NFATC1: variants seen among roughly 807,000 people sequenced by gnomAD.
NFATC1 encodes nuclear factor of activated T-cells, cytoplasmic 1.
Under a neutral mutation model 76.0 loss-of-function variants are expected in NFATC1, and 22 were observed. The observed-to-expected ratio is 0.29, with a 90% confidence interval of 0.21 to 0.41. NFATC1 has a LOEUF of 0.41. NFATC1 is among the 10% of genes least tolerant of loss of function. NFATC1 has a pLI of 1.00. For synonymous variants in NFATC1, 704 were observed against 613.1 expected, an observed-to-expected ratio of 1.15 and a Z score of -2.19; for missense variants, 1,357 against 1,337.7, an observed-to-expected ratio of 1.01 and a Z score of -0.23.
chr18:79,494,820 C>T (rs1426598042), intron 9 of NFATC1, among the ~76,000 whole-genome samples: 2 of 108,036 alleles, frequency 1.9e-5, no homozygotes, highest in African/African-American at 7.2e-5. Context: ...CGGGGGAAGG[C>T]GAGAGCGGGC....
intron 3 of NFATC1, among the ~76,000 whole-genome samples, chr18:79,436,706 C>G (rs541052242): frequency 6.6e-6 from 1 of 152,264 alleles, no homozygotes; most frequent in South Asian, 2.1e-4. Flanking sequence ...GGTGCTCGCT[C>G]TTACTTGTGG....
At chr18:79,406,886 C>T (rs935656818) in intron 1 of NFATC1, among the ~76,000 whole-genome samples, 4 of 152,172 alleles carry the variant, frequency 2.6e-5, no homozygotes, top group Admixed American at 1.3e-4. Flanking sequence ...GCGCTCCATG[C>T]GGGGCAGACG....
intron 9 of NFATC1, among the ~76,000 whole-genome samples, chr18:79,503,033 A>G (rs2090046424): frequency 6.6e-6 from 1 of 152,246 alleles, no homozygotes; most frequent in South Asian, 2.1e-4. Context: ...TGTCCTTCAC[A>G]GCGTTCTTTA....
chr18:79,467,435 G>T lies in NFATC1; in HGVS notation c.1960-15G>T, dbSNP rs779109678. ...CCGGTGCTGATTGTGCCTCCTGTGT[G>T]CCCTTCTCCTGTAGAATTCTCTGGT... On this transcript the variant is annotated splice_polypyrimidine_tract_variant and intron_variant, in intron 7 of 9. Transcript: ENST00000427363. 4 of 1,574,708 alleles carry T rather than the reference G, an allele frequency of 2.5e-6. No individual in the cohort carries two copies. In the South Asian group the frequency reaches 3.4e-5, roughly 14 times the overall value.
chr18:79,429,103 C>T (rs1014657774), intron 2 of NFATC1, among the ~76,000 whole-genome samples: 2 of 152,002 alleles, frequency 1.3e-5, no homozygotes, highest in African/African-American at 2.4e-5. Context: ...CACCTGTACT[C>T]CCAGCTACTC....
intron 8 of NFATC1, among the ~76,000 whole-genome samples, chr18:79,476,688 AC>A (rs2089086602): frequency 6.6e-6 from 1 of 152,106 alleles, no homozygotes; most frequent in East Asian, 1.9e-4. Flanking sequence ...GAATTCTCTC[AC>A]CCCGACCGAC....
At position 79,396,171 on chromosome 18, in the gene NFATC1, G is replaced by T; in HGVS notation, c.-54G>T. The T allele has an allele frequency of 4.3e-6, 6 of 1,398,048 alleles. No individual in the cohort carries two copies. The highest frequency in any genetic ancestry group is 1.4e-5 in the South Asian group (1 of 71,886). The allele number at this position is 1,398,048 out of a possible 1,614,324, so 86.6% of individuals were successfully genotyped here. ...GACCCGACCCCGGCAGCGCGGGGCG[G>T]CCGCTTCTCCTGTGCCTCCGCCCGC... On this transcript the variant is annotated 5_prime_UTR_variant, in exon 1 of 10. Coordinates refer to ENST00000427363, the MANE Select transcript of NFATC1 (RefSeq NM_001278669.2).
intron 9 of NFATC1, among the ~76,000 whole-genome samples, chr18:79,517,489 G>A (rs949885287): frequency 6.6e-6 from 1 of 152,206 alleles, no homozygotes; most frequent in Admixed American, 6.5e-5. Context: ...GCCTTAGAAG[G>A]GAGCCTGCTG....
In NFATC1 at chr18:79,524,694, GA is replaced by G. The variant is rs534809279; in HGVS notation, c.2783-2833del. On this transcript the variant is annotated intron_variant, in intron 9 of 9. Coordinates refer to ENST00000427363, the MANE Select transcript of NFATC1 (RefSeq NM_001278669.2). This position sits in a 1 kb window ranked among gnomAD's most constrained non-coding sequence, Gnocchi z 7.2. ...AGCTCAGCAGCCGCAGACCCAGGCA[GA>G]GAGAGCAAAGGAGGCTGTGGTGGCC... is the stretch of plus-strand genomic sequence containing the variant. Among the ~76,000 whole-genome samples, 253 of 152,258 alleles carry G rather than the reference GA, an allele frequency of 1.7e-3. No individual in the cohort carries two copies. Among genetic ancestry groups the G allele is most frequent in the African/African-American group, 6.0e-3 (248 of 41,538 alleles).
At chr18:79,412,137 C>G (rs2148195206) in intron 2 of NFATC1, among the ~76,000 whole-genome samples, 1 of 152,348 alleles carries the variant, frequency 6.6e-6, no homozygotes, top group Non-Finnish European at 1.5e-5. Flanking sequence ...CTTTGGGTCC[C>G]AGGTTGTTGG....
intron 8 of NFATC1, among the ~76,000 whole-genome samples, chr18:79,482,399 G>T (rs1259356153): frequency 7.4e-6 from 1 of 135,686 alleles, no homozygotes; most frequent in African/African-American, 2.8e-5. Context: ...ACTCCAGCAT[G>T]ACCTGGTTCC....
At position 79,411,509 on chromosome 18, in the gene NFATC1, GGCAGC is replaced by G. The variant is rs781348090; in HGVS notation, c.1226+11_1226+15del. Reference sequence around the variant, plus strand: ...CCCTACGTCCTACATGAGGTGAGCCGGCAGCGCGGGGCGGGACGGGGAGGCGAGGG... The same window carrying G: ...CCCTACGTCCTACATGAGGTGAGCCGGCGGGGCGGGACGGGGAGGCGAGGG... On this transcript the variant is annotated intron_variant, in intron 2 of 9. Coordinates refer to ENST00000427363, the MANE Select transcript of NFATC1 (RefSeq NM_001278669.2). The G allele has an allele frequency of 1.4e-6, 2 of 1,463,874 alleles. No homozygotes were observed. The highest frequency in any genetic ancestry group is 3.0e-5 in the South Asian group (2 of 66,614). The allele number at this position is 1,463,874 out of a possible 1,614,324, so 90.7% of individuals were successfully genotyped here.
chr18:79,475,391 G>C (rs2089021350), intron 8 of NFATC1, among the ~76,000 whole-genome samples: 1 of 151,376 alleles, frequency 6.6e-6, no homozygotes, highest in South Asian at 2.1e-4. Flanking sequence ...TGCGAGGGAA[G>C]CGTGTTCTCA....
At chr18:79,429,546 G>A (rs1271959247) in intron 2 of NFATC1, among the ~76,000 whole-genome samples, 2 of 152,118 alleles carry the variant, frequency 1.3e-5, no homozygotes, top group South Asian at 2.1e-4. Flanking sequence ...ACGCCTGCCC[G>A]AGGCTGCCCC....
chr18:79,400,505 G>C, intron 1 of NFATC1: 2 of 1,401,264 alleles, frequency 1.4e-6, no homozygotes, highest in Non-Finnish European at 1.9e-6. Flanking sequence ...AGGGCGCGGG[G>C]GGCGCGGGGC....
chr18:79,430,177 A>G (rs1418570747), intron 2 of NFATC1, among the ~76,000 whole-genome samples: 1 of 152,240 alleles, frequency 6.6e-6, no homozygotes, highest in Non-Finnish European at 1.5e-5. Flanking sequence ...GTTTACACAA[A>G]CTTATTCTTA....
At chr18:79,396,498 G>C (rs983099764) in intron 1 of NFATC1, 147 bp downstream of exon 1, 4 of 394,346 alleles carry the variant, frequency 1.0e-5, no homozygotes, top group Non-Finnish European at 1.1e-5. Flanking sequence ...GAGGGGCGCG[G>C]CGCGGACCGG....
At position 79,396,350 on chromosome 18, in the gene NFATC1, A is replaced by G. The variant is rs761282598; in HGVS notation, c.126A>G (p.Glu42=). 1.5e-6 allele frequency: 2 copies of G among 1,345,082 alleles called. No individual in the cohort carries two copies. Among genetic ancestry groups the G allele is most frequent in the South Asian group, 3.4e-5 (2 of 58,886 alleles). The allele number at this position is 1,345,082 out of a possible 1,614,324, so 83.3% of individuals were successfully genotyped here. ...GCGGCACCATGAAGTCAGCGGAGGA[A>G]GGTAAGCCCCGCGCGGCCTCCGCCC... is the stretch of plus-strand genomic sequence containing the variant. The part of the protein sequence containing the change: ...RAGGTMKSAE[E]EHYGYASSNV... The change falls in exon 1 of 10, where the codon GAA becomes GAG. Residue 42 remains glutamate, a splice_region_variant and synonymous_variant. Transcript: ENST00000427363.
At chr18:79,485,072 G>T (rs1348255971) in intron 8 of NFATC1, among the ~76,000 whole-genome samples, 2 of 152,234 alleles carry the variant, frequency 1.3e-5, no homozygotes, top group African/African-American at 2.4e-5. Flanking sequence ...AGGCTGCCAG[G>T]CTCTCTGTGG....
Sources: gnomAD v4.1 joint callset for allele counts (sites outside exome capture counted in the v4.1 genomes callset) on GRCh38, gnomAD v4.1.1 for gene constraint, Gnocchi (gnomAD v3.1) non-coding constraint, MANE v1.5 for transcripts, NCBI Gene and HGNC (gene_info 2026-07-23, HGNC 2026-07-21) for gene names.